The following GRIK1 variants were observed in gnomAD, a reference collection of about 807,000 sequenced individuals.
GRIK1 encodes the protein glutamate receptor ionotropic, kainate 1.
A neutral mutation model predicts 105.7 loss-of-function variants in GRIK1; 69 were observed. That is an observed-to-expected ratio of 0.65 (90% CI 0.54 to 0.80). GRIK1 has a LOEUF of 0.80. GRIK1 is among the 30% of genes least tolerant of loss of function. The pLI, the probability that GRIK1 is intolerant of heterozygous loss-of-function variation, is 0.00. For synonymous variants in GRIK1, 438 were observed against 431.3 expected (o/e 1.02, Z -0.19); for missense variants, 1,109 against 1,167.3 (o/e 0.95, Z 0.73).
At chr21:29,907,908 A>C (rs1157347859) in intron 1 of GRIK1, among the ~76,000 whole-genome samples, 4 of 152,136 alleles carry the variant, frequency 2.6e-5, no homozygotes, top group African/African-American at 9.7e-5. Context: ...ATTAATACAG[A>C]GCTACAATTT....
At chr21:29,752,669 A>G (rs1226300887) in intron 1 of GRIK1, among the ~76,000 whole-genome samples, 1 of 152,102 alleles carries the variant, frequency 6.6e-6, no homozygotes, top group African/African-American at 2.4e-5. Context: ...TCTACAAAAA[A>G]AAATTAAAAA....
intron 12 of GRIK1, among the ~76,000 whole-genome samples, chr21:29,582,053 G>A (rs968775412): frequency 3.3e-5 from 5 of 152,152 alleles, no homozygotes; most frequent in Admixed American, 2.0e-4. Flanking sequence ...GTGGTCTAGC[G>A]ATTTTGTAAT....
intron 15 of GRIK1, among the ~76,000 whole-genome samples, chr21:29,559,556 A>G (rs149607113): frequency 6.6e-6 from 1 of 152,322 alleles, no homozygotes; most frequent in East Asian, 1.9e-4. Flanking sequence ...ATTCTGCAGG[A>G]AAGTTATTTG....
chr21:29,755,877 G>C (rs2178865), intron 1 of GRIK1, among the ~76,000 whole-genome samples: 1 of 151,932 alleles, frequency 6.6e-6, no homozygotes, highest in African/African-American at 2.4e-5. Context: ...GAGTAAAAAG[G>C]TTCGGATAAC....
At chr21:29,801,587 A>G (rs1011950402) in intron 1 of GRIK1, among the ~76,000 whole-genome samples, 2 of 152,196 alleles carry the variant, frequency 1.3e-5, no homozygotes, top group African/African-American at 4.8e-5. Flanking sequence ...TAGTAAAAAA[A>G]GATTCAGCAT....
chr21:29,774,416 G>GAGAATCA (rs1241895045), intron 1 of GRIK1, among the ~76,000 whole-genome samples: 1 of 150,394 alleles, frequency 6.6e-6, no homozygotes, highest in East Asian at 2.0e-4. Flanking sequence ...GATCAGTGTA[G>GAGAATCA]AGAATCAAGT....
intron 1 of GRIK1, among the ~76,000 whole-genome samples, chr21:29,894,800 C>A (rs1254071080): frequency 2.6e-5 from 4 of 152,112 alleles, no homozygotes. Flanking sequence ...ATGAGTGCCC[C>A]CTGGATCCAC....
intron 1 of GRIK1, among the ~76,000 whole-genome samples, chr21:29,883,459 T>C (rs898069384): frequency 6.6e-6 from 1 of 152,058 alleles, no homozygotes; most frequent in African/African-American, 2.4e-5. Flanking sequence ...AAGAAAGTCA[T>C]AACTAACAAG....
intron 1 of GRIK1, among the ~76,000 whole-genome samples, chr21:29,822,284 A>G (rs1002723942): frequency 1.3e-5 from 2 of 152,042 alleles, no homozygotes; most frequent in African/African-American, 2.4e-5. Context: ...ATTTACAAAA[A>G]CTGGGGACAG....
At chr21:29,624,954 T>C (rs746242456) in intron 7 of GRIK1, among the ~76,000 whole-genome samples, 24 of 152,234 alleles carry the variant, frequency 1.6e-4, no homozygotes, top group Non-Finnish European at 3.2e-4. Flanking sequence ...GCCTTTCTTC[T>C]TCCCTTCTCA....
chr21:29,869,722 C>T (rs531470229), intron 1 of GRIK1, among the ~76,000 whole-genome samples: 7 of 152,270 alleles, frequency 4.6e-5, no homozygotes, highest in African/African-American at 1.4e-4. Context: ...ATATAAAATA[C>T]ATGTACATCT....
chr21:29,659,987 C>CCAA (rs905778940), intron 4 of GRIK1, among the ~76,000 whole-genome samples: 31 of 151,710 alleles, frequency 2.0e-4, no homozygotes, highest in African/African-American at 4.3e-4. Flanking sequence ...CAAAAAAAAC[C>CCAA]CAACAACAAC....
intron 1 of GRIK1, among the ~76,000 whole-genome samples, chr21:29,772,447 T>C (rs2065835989): frequency 6.6e-6 from 1 of 152,192 alleles, no homozygotes; most frequent in East Asian, 1.9e-4. Flanking sequence ...GTGTAAACCA[T>C]TTCTTACATA....
chr21:29,896,829 G>A (rs540453724), intron 1 of GRIK1, among the ~76,000 whole-genome samples: 2 of 152,158 alleles, frequency 1.3e-5, no homozygotes, highest in Non-Finnish European at 2.9e-5. Context: ...GAGGCTGGAA[G>A]CAGAGTGGAC....
At chr21:29,641,513 T>C (rs530562648) in intron 7 of GRIK1, among the ~76,000 whole-genome samples, 14 of 152,284 alleles carry the variant, frequency 9.2e-5, no homozygotes, top group Middle Eastern at 3.4e-3. Context: ...ATCAGCAGCA[T>C]GAAAATGGAC....
intron 4 of GRIK1, among the ~76,000 whole-genome samples, chr21:29,661,097 A>G (rs1418249789): frequency 6.6e-6 from 1 of 152,246 alleles, no homozygotes; most frequent in Non-Finnish European, 1.5e-5. Context: ...CAAGATGGAT[A>G]TAAGACAGTC....
At chr21:29,640,856 A>G (rs998660401) in intron 7 of GRIK1, among the ~76,000 whole-genome samples, 6 of 152,134 alleles carry the variant, frequency 3.9e-5, no homozygotes, top group Non-Finnish European at 4.4e-5. Context: ...ATGTTTTTCT[A>G]TTAGGCACAG....
intron 1 of GRIK1, among the ~76,000 whole-genome samples, 189 bp from the exon 2 acceptor site, chr21:29,694,252 T>G (rs1185365380): frequency 6.6e-6 from 1 of 151,108 alleles, no homozygotes; most frequent in East Asian, 2.0e-4. Context: ...GCCTCCCGAG[T>G]AGCTAGGACT....
chr21:29,692,605 G>A (rs2063605799), intron 2 of GRIK1, among the ~76,000 whole-genome samples: 1 of 152,092 alleles, frequency 6.6e-6, no homozygotes, highest in South Asian at 2.1e-4. Context: ...ACGGAGTCTC[G>A]CTCTGTCACC....
Sources: allele counts gnomAD v4.1 joint callset (sites outside exome capture counted in the v4.1 genomes callset), GRCh38; gene constraint gnomAD v4.1.1; transcripts MANE v1.5; gene names NCBI Gene and HGNC (gene_info 2026-07-23, HGNC 2026-07-21).